Variants in AGO3 observed in about 807,000 individuals in gnomAD.
AGO3 encodes the protein argonaute RISC catalytic component 3.
In AGO3, 16 loss-of-function variants were observed where a neutral mutation model predicts 105.5. The ratio of observed to expected loss-of-function variants is 0.15; its 90% CI spans 0.10 to 0.23. The LOEUF (loss-of-function observed/expected upper bound fraction) is 0.23. Among genes scored for constraint, AGO3 ranks in the 10% least tolerant of loss-of-function variants. The probability of loss-of-function intolerance (pLI) is 1.00; values close to 1 mark genes in which losing one functional copy is unlikely to be tolerated. For missense variants in AGO3, 534 were observed against 1,088.0 expected, an observed-to-expected ratio of 0.49 and a Z score of 7.16; for synonymous variants, 340 against 367.3, an observed-to-expected ratio of 0.93 and a Z score of 0.85.
At chr1:36,051,165 C>T (rs1642701690) in intron 17 of AGO3, among the ~76,000 whole-genome samples, 1 of 151,944 alleles carries the variant, frequency 6.6e-6, no homozygotes, top group Admixed American at 6.6e-5. Context: ...GAACTCCTGA[C>T]CTCAAATGAT....
rs116167936 is a variant in AGO3 at position 35,993,450 on chromosome 1, C to T, written c.659-10891C>T. The stretch of plus-strand genomic sequence containing the variant: ...TGAAGTGAGGGTATCACTAAAAATT[C>T]TTCAGAATTGAAAGATTAATAAGGG... On this transcript the variant is annotated intron_variant, in intron 5 of 18. Coordinates refer to ENST00000373191, the MANE Select transcript of AGO3 (RefSeq NM_024852.4). Among the ~76,000 whole-genome samples the T allele has an allele frequency of 8.1e-3, 1,234 of 152,186 alleles. 17 individuals are homozygous for T. The highest frequency in any genetic ancestry group is 0.028 in the African/African-American group (1,157 of 41,518).
At position 35,931,732 on chromosome 1, in the gene AGO3, T is replaced by C. The variant is rs77115528; in HGVS notation, c.19+287T>C. 6.4e-3 allele frequency among the ~76,000 whole-genome samples: 980 copies of C among 152,364 alleles called. 13 individuals are homozygous for C. The East Asian group carries it at 0.071, about 11-fold the overall frequency. On this transcript the variant is annotated intron_variant, in intron 1 of 18. Transcript: ENST00000373191. Reference sequence around the variant, plus strand: ...GCTGGAGTACCCTTCTTCTAGACTTTAGAATGGTTTGCCATTGTCTAGTTG... The same window carrying C: ...GCTGGAGTACCCTTCTTCTAGACTTCAGAATGGTTTGCCATTGTCTAGTTG...
intron 5 of AGO3, among the ~76,000 whole-genome samples, chr1:36,000,406 T>A (rs1222623213): frequency 3.3e-5 from 5 of 152,134 alleles, no homozygotes; most frequent in Admixed American, 2.0e-4. Context: ...GTAAAATGAT[T>A]CAGAGTGTAG....
intron 11 of AGO3, among the ~76,000 whole-genome samples, chr1:36,018,579 T>C (rs1315347662): frequency 2.0e-5 from 3 of 151,984 alleles, no homozygotes; most frequent in East Asian, 1.9e-4. Flanking sequence ...ACTACAGGCA[T>C]GTGCCACCAT....
intron 14 of AGO3, among the ~76,000 whole-genome samples, chr1:36,036,973 G>C (rs1312385599): frequency 6.6e-6 from 1 of 152,042 alleles, no homozygotes; most frequent in Non-Finnish European, 1.5e-5. Flanking sequence ...TGAGATTACA[G>C]GTGTGAGCTA....
At chr1:36,021,941 GC>G (rs1209601229) in intron 11 of AGO3, among the ~76,000 whole-genome samples, 1 of 151,444 alleles carries the variant, frequency 6.6e-6, no homozygotes, top group East Asian at 1.9e-4. Context: ...TGTTACTGAA[GC>G]TTTTTATTTG....
chr1:36,061,670 C>T lies in AGO3; in HGVS notation c.*5925C>T, dbSNP rs1416199236. On this transcript the variant is annotated 3_prime_UTR_variant, in exon 19 of 19. Transcript: ENST00000373191. The stretch of plus-strand genomic sequence containing the variant: ...CTAAGGTAACCAGAATCTAATGTAT[C>T]TATGTTAGGGTCTCAGTAAAGCAAA... The T allele has an allele frequency of 6.6e-6, 1 of 152,104 alleles. No homozygotes were observed. The highest frequency in any genetic ancestry group is 2.4e-5 in the African/African-American group (1 of 41,408). The allele number at this position is 152,104 out of a possible 1,614,324, so 9.4% of individuals were successfully genotyped here.
intron 5 of AGO3, among the ~76,000 whole-genome samples, chr1:35,996,323 TAA>T (rs549557635): frequency 7.4e-5 from 10 of 134,912 alleles, no homozygotes; most frequent in Admixed American, 7.5e-5. Context: ...CTCTGACTCT[TAA>T]AAAAAAAAAA....
chr1:35,956,890 C>T (rs921219777), intron 2 of AGO3, among the ~76,000 whole-genome samples: 12 of 151,660 alleles, frequency 7.9e-5, no homozygotes, highest in Admixed American at 4.6e-4. Flanking sequence ...TCAGGCAGTC[C>T]GCCCACCTCG....
intron 1 of AGO3, among the ~76,000 whole-genome samples, chr1:35,938,542 C>T (rs903461413): frequency 6.6e-6 from 1 of 152,078 alleles, no homozygotes; most frequent in Non-Finnish European, 1.5e-5. Flanking sequence ...TTACTTACAT[C>T]TATATAATAG....
intron 5 of AGO3, among the ~76,000 whole-genome samples, chr1:35,981,674 C>A (rs1647055453): frequency 6.6e-6 from 1 of 152,224 alleles, no homozygotes; most frequent in Non-Finnish European, 1.5e-5. Flanking sequence ...GAGCATGCCT[C>A]ACTTGTAAAA....
At chr1:35,957,088 G>A (rs369782310) in intron 2 of AGO3, among the ~76,000 whole-genome samples, 1 of 152,114 alleles carries the variant, frequency 6.6e-6, no homozygotes, top group African/African-American at 2.4e-5. Context: ...AGTGGCTCAC[G>A]CCTGTAATCT....
intron 2 of AGO3, among the ~76,000 whole-genome samples, chr1:35,951,156 G>A (rs746921363): frequency 1.2e-4 from 19 of 152,162 alleles, no homozygotes; most frequent in Admixed American, 1.1e-3. Flanking sequence ...TCGCCATGTT[G>A]ATCAGGCTGG....
Position 36,008,821 on chromosome 1 carries a change from C to A in AGO3, c.881+44C>A. 1 of 1,613,942 alleles carries A rather than the reference C, an allele frequency of 6.2e-7. No homozygotes were observed. ...AGCAGCGATGGTGTGAGGCAGCTTGCTCTAGTTAGTGGGGTTGGGAGTTTT... is the reference window on the plus strand; with the variant it reads ...AGCAGCGATGGTGTGAGGCAGCTTGATCTAGTTAGTGGGGTTGGGAGTTTT... On this transcript the variant is annotated intron_variant, in intron 7 of 18. Transcript: ENST00000373191. The surrounding 1 kb of genome is among the most constrained non-coding windows in gnomAD (Gnocchi z 5.1).
At chr1:35,959,010 C>G (rs1431867532) in intron 2 of AGO3, among the ~76,000 whole-genome samples, 1 of 152,076 alleles carries the variant, frequency 6.6e-6, no homozygotes, top group Non-Finnish European at 1.5e-5. Flanking sequence ...TTCATTCTGT[C>G]TTTTGGGAGC....
chr1:36,040,870 C>CCT (rs1642214384), intron 16 of AGO3, among the ~76,000 whole-genome samples: 1 of 151,868 alleles, frequency 6.6e-6, no homozygotes, highest in African/African-American at 2.4e-5. Context: ...GTCAGGAGTT[C>CCT]AAGACCAGCC....
At chr1:35,940,632 T>TA (rs1020590189) in intron 1 of AGO3, among the ~76,000 whole-genome samples, 6 of 152,204 alleles carry the variant, frequency 3.9e-5, no homozygotes, top group East Asian at 1.9e-4. Flanking sequence ...TTTTTGAACT[T>TA]ACTACAGTTG....
intron 6 of AGO3, among the ~76,000 whole-genome samples, chr1:36,006,377 A>G (rs930763475): frequency 6.6e-6 from 1 of 152,142 alleles, no homozygotes; most frequent in Admixed American, 6.5e-5. Context: ...CGTGATAGTT[A>G]AACAGCAGAA....
intron 5 of AGO3, among the ~76,000 whole-genome samples, chr1:35,982,135 A>T (rs1647064300): frequency 1.3e-5 from 2 of 152,144 alleles, no homozygotes; most frequent in Admixed American, 1.3e-4. Flanking sequence ...ATTATTAAGA[A>T]ATAATTTCTA....
Sources: allele counts gnomAD v4.1 joint callset (sites outside exome capture counted in the v4.1 genomes callset), GRCh38; gene constraint gnomAD v4.1.1; non-coding constraint Gnocchi (gnomAD v3.1); transcripts MANE v1.5; gene names NCBI Gene and HGNC (gene_info 2026-07-23, HGNC 2026-07-21).